Variants in TMEM41B observed in about 807,000 individuals in gnomAD.
TMEM41B encodes protein stasimon.
In TMEM41B, 18 loss-of-function variants were observed where a neutral mutation model predicts 31.9. The ratio of observed to expected loss-of-function variants is 0.56; its 90% CI spans 0.39 to 0.84. The LOEUF (loss-of-function observed/expected upper bound fraction) is 0.84. TMEM41B is among the 40% of genes least tolerant of loss of function. TMEM41B has a pLI of 0.00. For synonymous variants in TMEM41B, 144 were observed against 124.3 expected (o/e 1.16, Z -1.05); for missense variants, 322 against 348.0 (o/e 0.93, Z 0.59).
At chr11:9,301,455 C>T (rs927324910) in intron 1 of TMEM41B, among the ~76,000 whole-genome samples, 4 of 152,184 alleles carry the variant, frequency 2.6e-5, no homozygotes, top group East Asian at 1.9e-4. Context: ...CTTTCAAACA[C>T]GCGTTTATGA....
chr11:9,290,038 A>AACACACAC (rs138140225), intron 3 of TMEM41B, among the ~76,000 whole-genome samples: 1,639 of 149,894 alleles, frequency 0.011, 13 homozygotes, highest in Non-Finnish European at 0.016. Flanking sequence ...TCAAAAACAA[A>AACACACAC]ACACACACAC....
intron 1 of TMEM41B, among the ~76,000 whole-genome samples, chr11:9,312,953 T>C (rs1853598293): frequency 7.7e-6 from 1 of 129,772 alleles, no homozygotes; most frequent in Admixed American, 8.5e-5. Flanking sequence ...TTTGTTGTAA[T>C]GATAAAATAA....
intron 1 of TMEM41B, among the ~76,000 whole-genome samples, chr11:9,307,428 G>T (rs1853426931): frequency 6.6e-6 from 1 of 150,834 alleles, no homozygotes; most frequent in South Asian, 2.1e-4. Context: ...TTAAACAGCT[G>T]AAGTATCATA....
At chr11:9,299,302 A>AAG (rs1554943904) in intron 2 of TMEM41B, among the ~76,000 whole-genome samples, 5 of 120,018 alleles carry the variant, frequency 4.2e-5, no homozygotes, top group South Asian at 2.7e-4. Flanking sequence ...AAAAAAAAAA[A>AAG]AAAGAAAGTA....
intron 1 of TMEM41B, chr11:9,311,491 C>A (rs566818940): frequency 1.1e-5 from 16 of 1,421,292 alleles, no homozygotes; most frequent in Non-Finnish European, 1.5e-5. Context: ...CCTGGATACC[C>A]TGGCTGTGGC....
intron 1 of TMEM41B, among the ~76,000 whole-genome samples, chr11:9,301,138 G>C (rs145924536): frequency 0.019 from 2,912 of 152,230 alleles, 88 homozygotes; most frequent in African/African-American, 0.066. Context: ...GCCCACGCCT[G>C]TAATCCCAGC....
intron 1 of TMEM41B, among the ~76,000 whole-genome samples, chr11:9,305,428 G>A (rs1160776431): frequency 6.6e-6 from 1 of 152,080 alleles, no homozygotes; most frequent in South Asian, 2.1e-4. Context: ...GTGAAACCCT[G>A]TCTCTACTAA....
At chr11:9,309,724 C>T (rs1034442320) in intron 1 of TMEM41B, among the ~76,000 whole-genome samples, 6 of 151,194 alleles carry the variant, frequency 4.0e-5, no homozygotes, top group Non-Finnish European at 8.8e-5. Flanking sequence ...AGATCGAGAC[C>T]ATCCTGGCTA....
At chr11:9,283,642 T>TA (rs1318667669) in intron 6 of TMEM41B, 49 bp from the exon 7 acceptor site, 1 of 1,500,548 alleles carries the variant, frequency 6.7e-7, no homozygotes, top group Non-Finnish European at 9.0e-7. Flanking sequence ...CAATTGTTTT[T>TA]AAAAAATTAA....
In TMEM41B at chr11:9,288,539, G is replaced by A; in HGVS notation, c.369-4C>T. 1 of 1,562,418 alleles carries A rather than the reference G, an allele frequency of 6.4e-7. No homozygotes were observed. The highest frequency in any genetic ancestry group is 8.6e-7 in the Non-Finnish European group (1 of 1,158,400). On this transcript the variant is annotated splice_polypyrimidine_tract_variant and splice_region_variant and intron_variant, in intron 3 of 6. Transcript: ENST00000528080. ...TGGAATAGCAAATGTTTGCAAGCTG[G>A]TAACTTTTAAGTTAAGGATTAGAAT...
chr11:9,283,448 T>C lies in TMEM41B; in HGVS notation c.852A>G (p.Lys284=). Residue 284 remains lysine (K), a synonymous_variant, in exon 7 of 7, where the codon AAA becomes AAG. Coordinates refer to ENST00000528080, the MANE Select transcript of TMEM41B (RefSeq NM_015012.4). Reference sequence around the variant, plus strand: ...TTTACTCAAATTTCTGCTTTAGTTTTTTTTGGAAGATGGCTGGCAGAATAG... The same window carrying C: ...TTTACTCAAATTTCTGCTTTAGTTTCTTTTGGAAGATGGCTGGCAGAATAG... ...VLSILPAIFQ[K]KLKQKFE is the part of the protein sequence containing the mutation. The C allele has an allele frequency of 6.2e-7, 1 of 1,603,110 alleles. No homozygotes were observed. The highest frequency in any genetic ancestry group is 2.2e-5 in the East Asian group (1 of 44,632).
rs1853195558 is a variant in TMEM41B, at chr11:9,299,566, A to C, written c.239+18T>G. ...ATAAATATCTATACATTTTCAGTTT[A>C]TCTCTCAGTATACTTACTCACTAAG... On this transcript the variant is annotated intron_variant, in intron 2 of 6. Coordinates refer to ENST00000528080, the MANE Select transcript of TMEM41B (RefSeq NM_015012.4). 6.9e-7 allele frequency: 1 copy of C among 1,443,738 alleles called. No individual in the cohort carries two copies. The highest frequency in any genetic ancestry group is 9.6e-7 in the Non-Finnish European group (1 of 1,037,286). 89.4% of individuals were successfully genotyped at this position (1,443,738 alleles called of 1,614,324 possible).
chr11:9,293,892 C>T (rs956508151), intron 3 of TMEM41B, among the ~76,000 whole-genome samples: 22 of 152,166 alleles, frequency 1.4e-4, no homozygotes, highest in African/African-American at 5.3e-4. Flanking sequence ...ACTTCTGATT[C>T]TTTTTAAATA....
intron 6 of TMEM41B, among the ~76,000 whole-genome samples, chr11:9,284,399 G>C (rs893411535): frequency 6.8e-6 from 1 of 147,736 alleles, no homozygotes; most frequent in Admixed American, 6.7e-5. Flanking sequence ...CAATTCACAC[G>C]CCTCAGCCTC....
At position 9,283,286 on chromosome 11, in the gene TMEM41B, CT is replaced by C; in HGVS notation, c.*137del. On this transcript the variant is annotated 3_prime_UTR_variant, in exon 7 of 7. Transcript: ENST00000528080. ...CTCCCCTTGTCACTTAAATGTATTACTTTAACTATCTGATAGGAAATTTTAT... is the reference window on the plus strand; with the variant it reads ...CTCCCCTTGTCACTTAAATGTATTACTTAACTATCTGATAGGAAATTTTAT... 5.8e-6 allele frequency: 4 copies of C among 687,114 alleles called. No homozygotes were observed. The South Asian group carries it at 8.7e-5, about 15-fold the overall frequency. The allele number at this position is 687,114 out of a possible 1,614,324, so 42.6% of individuals were successfully genotyped here.
In TMEM41B at chr11:9,283,515, G is replaced by T. The variant is rs1180016460; in HGVS notation, c.785C>A (p.Ser262Tyr). The T allele has an allele frequency of 5.0e-6, 8 of 1,613,470 alleles. No individual in the cohort carries two copies. The East Asian group carries it at 1.6e-4, about 31-fold the overall frequency. The change falls in exon 7 of 7, where the codon TCC becomes TAC. Residue 262 changes from serine to tyrosine, a missense_variant. Ser to Tyr is a moderately radical substitution (Grantham distance 144, BLOSUM62 -2). This residue lies in a region of TMEM41B where 92 missense variants were observed against 88.0 expected (regional missense o/e 1.05). Coordinates refer to ENST00000528080, the MANE Select transcript of TMEM41B (RefSeq NM_015012.4). ...YQLTTAGEAV[S>Y]WNSIFILMIL... ...CATCAGAATAAATATTGAGTTCCAG[G>T]AAACAGCTTCTCCTGCTGTTGTAAG...
intron 5 of TMEM41B, 64 bp from the exon 6 acceptor site, chr11:9,286,657 T>C: frequency 1.4e-6 from 2 of 1,466,660 alleles, no homozygotes; most frequent in South Asian, 1.3e-5. Flanking sequence ...TTGCTTAATA[T>C]AAACACCTTA....
chr11:9,314,552 C>T lies in TMEM41B; in HGVS notation c.-111G>A, dbSNP rs1165575298. The stretch of plus-strand genomic sequence containing the variant: ...GCCACGGCTAGAGCCACTTCCGGCG[C>T]GACCTCCTCACCCGAGACGACCTCA... On this transcript the variant is annotated 5_prime_UTR_variant, in exon 1 of 7. Coordinates refer to ENST00000528080, the MANE Select transcript of TMEM41B (RefSeq NM_015012.4). 63 of 1,406,736 alleles carry T rather than the reference C, an allele frequency of 4.5e-5. No individual in the cohort carries two copies. Among genetic ancestry groups the T allele is most frequent in the Non-Finnish European group, 5.7e-5 (61 of 1,070,036 alleles). 87.1% of individuals were successfully genotyped at this position (1,406,736 alleles called of 1,614,324 possible). A position where few individuals can be genotyped will look rare whatever the true frequency, so the allele number is the denominator to read the frequency against.
At chr11:9,290,161 A>G (rs1852922418) in intron 3 of TMEM41B, among the ~76,000 whole-genome samples, 1 of 152,112 alleles carries the variant, frequency 6.6e-6, no homozygotes, top group Non-Finnish European at 1.5e-5. Flanking sequence ...CAGGCGGATC[A>G]CAAAGTCAGG....
Sources: allele counts gnomAD v4.1 joint callset (sites outside exome capture counted in the v4.1 genomes callset), GRCh38; gene constraint gnomAD v4.1.1; regional missense constraint gnomAD v4.1.1; transcripts MANE v1.5; gene names NCBI Gene and HGNC (gene_info 2026-07-23, HGNC 2026-07-21).